The following CHST11 variants were observed in gnomAD, a reference collection of about 807,000 sequenced individuals.
CHST11 encodes the protein carbohydrate sulfotransferase 11.
CHST11 carries 9 observed loss-of-function variants against 30.4 expected under a neutral mutation model. The ratio of observed to expected loss-of-function variants is 0.30; its 90% CI spans 0.18 to 0.52. The LOEUF is 0.52. CHST11 is among the 20% of genes least tolerant of loss of function. The probability of loss-of-function intolerance (pLI) is 0.97; values close to 1 mark genes in which losing one functional copy is unlikely to be tolerated. For missense variants in CHST11, 348 were observed against 460.6 expected (o/e 0.76, Z 2.24); for synonymous variants, 152 against 187.8 (o/e 0.81, Z 1.56).
chr12:104,503,345 A>G (rs2037870473), intron 1 of CHST11, among the ~76,000 whole-genome samples: 2 of 152,186 alleles, frequency 1.3e-5, no homozygotes, highest in African/African-American at 4.8e-5. Flanking sequence ...GTGGCATTGC[A>G]TGTCTGCATT....
chr12:104,696,189 TTTC>T (rs1434345782), intron 2 of CHST11, among the ~76,000 whole-genome samples: 1 of 152,146 alleles, frequency 6.6e-6, no homozygotes, highest in Non-Finnish European at 1.5e-5. Context: ...CCCTACCTTT[TTTC>T]TTTTTTCCTT....
chr12:104,610,753 C>T (rs1042134683), intron 2 of CHST11, among the ~76,000 whole-genome samples: 1 of 152,150 alleles, frequency 6.6e-6, no homozygotes, highest in Non-Finnish European at 1.5e-5. Flanking sequence ...TCTTCCTTTC[C>T]CAGTGGAGTC....
intron 2 of CHST11, among the ~76,000 whole-genome samples, chr12:104,727,296 T>G (rs1392974547): frequency 1.3e-5 from 2 of 152,236 alleles, no homozygotes; most frequent in African/African-American, 4.8e-5. Flanking sequence ...TCCCAGCTCA[T>G]CCTATTCAGC....
intron 2 of CHST11, among the ~76,000 whole-genome samples, chr12:104,691,295 G>C (rs1417645379): frequency 6.6e-6 from 1 of 152,138 alleles, no homozygotes; most frequent in Non-Finnish European, 1.5e-5. Context: ...TTTCACCAGG[G>C]AAGGGTGCCT....
chr12:104,713,752 T>A (rs1208478262), intron 2 of CHST11, among the ~76,000 whole-genome samples: 2 of 152,206 alleles, frequency 1.3e-5, no homozygotes, highest in African/African-American at 2.4e-5. Flanking sequence ...TACCCCATGA[T>A]GCTGCAGTTC....
intron 2 of CHST11, among the ~76,000 whole-genome samples, chr12:104,682,774 G>GCAAC (rs1270095801): frequency 6.6e-6 from 1 of 152,336 alleles, no homozygotes; most frequent in Admixed American, 6.5e-5. Flanking sequence ...CTGCCCCATG[G>GCAAC]CAACCGATGT....
intron 1 of CHST11, among the ~76,000 whole-genome samples, chr12:104,538,549 A>G (rs566860996): frequency 6.6e-6 from 1 of 152,306 alleles, no homozygotes; most frequent in African/African-American, 2.4e-5. Context: ...TAAAGAGAAT[A>G]TATATTTTTT....
intron 1 of CHST11, among the ~76,000 whole-genome samples, chr12:104,533,309 A>G (rs546035110): frequency 6.6e-6 from 1 of 152,376 alleles, no homozygotes; most frequent in Non-Finnish European, 1.5e-5. Context: ...AAGTGTAATG[A>G]ACTCGTAAAC....
At chr12:104,695,453 G>A (rs1212667589) in intron 2 of CHST11, among the ~76,000 whole-genome samples, 2 of 126,842 alleles carry the variant, frequency 1.6e-5, no homozygotes, top group Admixed American at 1.4e-4. Context: ...ATGAGTGTGT[G>A]TGTGTGTGTG....
chr12:104,515,239 G>T (rs1443282259), intron 1 of CHST11, among the ~76,000 whole-genome samples: 1 of 152,140 alleles, frequency 6.6e-6, no homozygotes, highest in Non-Finnish European at 1.5e-5. Context: ...TCCCTTGTTG[G>T]CGTACTTTCT....
intron 1 of CHST11, among the ~76,000 whole-genome samples, chr12:104,465,677 T>C (rs1451275090): frequency 6.6e-6 from 1 of 152,130 alleles, no homozygotes; most frequent in Non-Finnish European, 1.5e-5. Context: ...TTCTCAAAGA[T>C]AAGCCTTTCC....
At chr12:104,700,598 G>A (rs565872033) in intron 2 of CHST11, among the ~76,000 whole-genome samples, 1 of 152,260 alleles carries the variant, frequency 6.6e-6, no homozygotes, top group East Asian at 1.9e-4. Flanking sequence ...AAGATGGGAG[G>A]GTTATAGGTG....
intron 1 of CHST11, among the ~76,000 whole-genome samples, chr12:104,489,035 C>G (rs74980565): frequency 0.043 from 6,477 of 151,880 alleles, 457 homozygotes; most frequent in African/African-American, 0.15. Context: ...CTTCTTCTTC[C>G]TCTTTTTTTT....
intron 1 of CHST11, among the ~76,000 whole-genome samples, chr12:104,459,657 G>A (rs749266019): frequency 6.6e-6 from 1 of 152,164 alleles, no homozygotes; most frequent in Non-Finnish European, 1.5e-5. Context: ...TTAGTCTTAA[G>A]TTGACTTGAA....
rs1453684266 is a variant in CHST11 at position 104,457,434 on chromosome 12, T to A, written c.23T>A (p.Val8Glu). Residue 8 changes from valine (V) to glutamate (E), a missense_variant, in exon 1 of 3, where the codon GTG becomes GAG. By Grantham distance (121) the Val-to-Glu change is moderately radical (BLOSUM62 -2). Coordinates refer to ENST00000303694, the MANE Select transcript of CHST11 (RefSeq NM_018413.6). ...GCCATGAAGCCAGCGCTGCTGGAAG[T>A]GATGAGGATGAACAGAATCTGCCGG... Reference protein sequence around the residue: MKPALLEVMRMNRICRMV... With the variant: MKPALLEEMRMNRICRMV... The A allele has an allele frequency of 1.2e-6, 2 of 1,613,868 alleles. No individual in the cohort carries two copies. Among genetic ancestry groups the A allele is most frequent in the Non-Finnish European group, 1.7e-6 (2 of 1,179,856 alleles).
chr12:104,653,326 G>A (rs546841158), intron 2 of CHST11, among the ~76,000 whole-genome samples: 13 of 152,252 alleles, frequency 8.5e-5, no homozygotes, highest in East Asian at 1.9e-4. Context: ...TAGGATTTCC[G>A]TCTTTGTAAG....
At chr12:104,574,249 T>G (rs1221432067) in intron 1 of CHST11, among the ~76,000 whole-genome samples, 1 of 152,134 alleles carries the variant, frequency 6.6e-6, no homozygotes, top group Admixed American at 6.5e-5. Context: ...AGGAACACTT[T>G]TACACTGTTG....
chr12:104,735,278 A>G (rs2040291430), intron 2 of CHST11, among the ~76,000 whole-genome samples: 1 of 152,158 alleles, frequency 6.6e-6, no homozygotes, highest in Admixed American at 6.5e-5. Context: ...ATACGTCTCT[A>G]CCTTGTAGGA....
rs1467521757 is a variant in CHST11 at position 104,485,021 on chromosome 12, CA to C, written c.118+27493del. Among the ~76,000 whole-genome samples the C allele has an allele frequency of 4.6e-5, 7 of 152,292 alleles. 1 individual carries two copies. The highest frequency in any genetic ancestry group is 1.7e-4 in the African/African-American group (7 of 41,572). Reference sequence around the variant, plus strand: ...TATTTCAGAATTAGGGAGGTAGGGGCAGGCTCTAGTAGGCTGTGGGGTCCAG... The same window carrying C: ...TATTTCAGAATTAGGGAGGTAGGGGCGGCTCTAGTAGGCTGTGGGGTCCAG... On this transcript the variant is annotated intron_variant, in intron 1 of 2. Transcript: ENST00000303694.
Sources: allele counts gnomAD v4.1 joint callset (sites outside exome capture counted in the v4.1 genomes callset), GRCh38; gene constraint gnomAD v4.1.1; transcripts MANE v1.5; gene names NCBI Gene and HGNC (gene_info 2026-07-23, HGNC 2026-07-21).